The following NCL variants were observed in gnomAD, a reference collection of about 807,000 sequenced individuals.
NCL encodes nucleolin multifunctional protein.
Under a neutral mutation model 77.7 loss-of-function variants are expected in NCL, and 4 were observed. The ratio of observed to expected loss-of-function variants is 0.05; its 90% CI spans 0.03 to 0.12. The LOEUF (loss-of-function observed/expected upper bound fraction) is 0.12. NCL is among the 10% of genes least tolerant of loss of function. The probability of loss-of-function intolerance (pLI) is 1.00; values close to 1 mark genes in which losing one functional copy is unlikely to be tolerated. For synonymous variants in NCL, 344 were observed against 297.8 expected (o/e 1.16, Z -1.60); for missense variants, 763 against 860.9 (o/e 0.89, Z 1.42).
At chr2:231,455,736 A>C (rs2046880638) in intron 12 of NCL, 112 bp from the exon 13 acceptor site, 1 of 1,318,396 alleles carries the variant, frequency 7.6e-7, no homozygotes, top group African/African-American at 1.5e-5. Flanking sequence ...TTTATTTGGG[A>C]AAAGATACCA....
rs1438364651 is a variant in NCL at position 231,456,202 on chromosome 2, G to A, written c.1706-66C>T. Reference sequence around the variant, plus strand: ...GTTCGTAACACTGAATTTGCACAATGCCTAGTATGACTACTAGCCAAGAAT... The same window carrying A: ...GTTCGTAACACTGAATTTGCACAATACCTAGTATGACTACTAGCCAAGAAT... On this transcript the variant is annotated intron_variant, in intron 11 of 13. Transcript: ENST00000322723. The A allele has an allele frequency of 4.4e-6, 7 of 1,590,840 alleles. No individual in the cohort carries two copies. In the African/African-American group the frequency reaches 9.4e-5, roughly 21 times the overall value.
chr2:231,460,766 TTCA>T lies in NCL; in HGVS notation c.711_713del (p.Asp237del). On this transcript the variant is annotated inframe_deletion, in exon 4 of 14. Transcript: ENST00000322723. ...CATCCTCGTCCTCATCATCCTCTTC[TTCA>T]TCTTCATCCTCAGCCACGTTCTTGG... The T allele has an allele frequency of 6.2e-7, 1 of 1,614,032 alleles. No individual in the cohort carries two copies. Among genetic ancestry groups the T allele is most frequent in the Non-Finnish European group, 8.5e-7 (1 of 1,179,900 alleles).
chr2:231,458,785 C>T lies in NCL; in HGVS notation c.1165+216G>A, dbSNP rs2046918185. 30 of 483,894 alleles carry T rather than the reference C, an allele frequency of 6.2e-5. 1 individual carries two copies. The South Asian group carries it at 6.7e-4, about 11-fold the overall frequency. The allele number at this position is 483,894 out of a possible 1,614,324, so 30.0% of individuals were successfully genotyped here. On this transcript the variant is annotated intron_variant, in intron 7 of 13. Coordinates refer to ENST00000322723, the MANE Select transcript of NCL (RefSeq NM_005381.3). The stretch of plus-strand genomic sequence containing the variant: ...CTTGTTCTGTATAAAAGTGCTCTTG[C>T]TTGCCTAACTCAGGAATTTACACTA...
At chr2:231,460,622 T>C in intron 4 of NCL, 47 bp downstream of exon 4, 4 of 1,614,072 alleles carry the variant, frequency 2.5e-6, no homozygotes, top group Non-Finnish European at 3.4e-6. Context: ...CTTAAGTGCC[T>C]CCTTTAAACA....
chr2:231,460,563 C>A lies in NCL; in HGVS notation c.813G>T (p.Glu271Asp). Residue 271 changes from glutamate (E) to aspartate (D), a missense_variant and splice_region_variant, in exon 5 of 14, where the codon GAG becomes GAT. Physicochemically the swap from Glu to Asp is conservative, Grantham distance 45. This residue lies in a region of NCL where 590 missense variants were observed against 570.5 expected (regional missense o/e 1.03). Transcript: ENST00000322723. The stretch of plus-strand genomic sequence containing the variant: ...GTTTTCCAGGTGCTTCTTTGACAGG[C>A]TCTGGACAAGATGTCAAACAATGTA... ...DEEEEEEEEE[E>D]PVKEAPGKRK... The A allele has an allele frequency of 6.2e-7, 1 of 1,614,174 alleles. No homozygotes were observed. Among genetic ancestry groups the A allele is most frequent in the South Asian group, 1.1e-5 (1 of 91,086 alleles).
In NCL at chr2:231,458,324, C is replaced by G. The variant is rs750363708; in HGVS notation, c.1231G>C (p.Glu411Gln). The G allele has an allele frequency of 6.2e-7, 1 of 1,614,152 alleles. No homozygotes were observed. Among genetic ancestry groups the G allele is most frequent in the Non-Finnish European group, 8.5e-7 (1 of 1,180,006 alleles). ...PYKVTQDELK[E>Q]VFEDAAEIRL... ...ATCTCCGCAGCATCTTCAAACACTT[C>G]TTTCAATTCATCCTGAGTGACTTTG... Residue 411 changes from glutamate (E) to glutamine (Q), a missense_variant, in exon 8 of 14, where the codon GAA (glutamate) becomes CAA (glutamine). Physicochemically the swap from Glu to Gln is conservative, Grantham distance 29. Coordinates refer to ENST00000322723, the MANE Select transcript of NCL (RefSeq NM_005381.3).
rs2046872669 is a variant in NCL, at chr2:231,455,199, A to ACTT, written c.2122_2124dup (p.Lys708dup). On this transcript the variant is annotated inframe_insertion, in exon 14 of 14. Transcript: ENST00000322723. ...AAGCAGAGGGACAGAAGCTATTCAA[A>ACTT]CTTCGTCTTCTTTCCTTGTGGCTTG... The ACTT allele has an allele frequency of 3.1e-6, 5 of 1,614,092 alleles. No homozygotes were observed. The East Asian group carries it at 1.1e-4, about 36-fold the overall frequency.
At chr2:231,463,414 A>T (rs2046970678) in intron 1 of NCL, 98 bp from the exon 2 acceptor site, 1 of 813,428 alleles carries the variant, frequency 1.2e-6, no homozygotes, top group Non-Finnish European at 2.1e-6. Flanking sequence ...CTCCGTCCTC[A>T]GATCCATTTC....
At chr2:231,456,482 G>T (rs2046889400) in intron 11 of NCL, 149 bp downstream of exon 11, 1 of 1,337,522 alleles carries the variant, frequency 7.5e-7, no homozygotes, top group East Asian at 2.3e-5. Context: ...ATTTTCTTGA[G>T]ATTTCATCAA....
chr2:231,461,853 T>TGGTGTAACTGTCTTCTTGGCA lies in NCL; in HGVS notation c.279_299dup (p.Lys96_Lys102dup). The TGGTGTAACTGTCTTCTTGGCA allele has an allele frequency of 6.2e-7, 1 of 1,614,152 alleles. No homozygotes were observed. The highest frequency in any genetic ancestry group is 2.2e-5 in the East Asian group (1 of 44,888). ...TGCCAGGTGTGGTAACTGCTTTGGC[T>TGGTGTAACTGTCTTCTTGGCA]GGTGTAACTGTCTTCTTGGCAGGTG... is the stretch of plus-strand genomic sequence containing the variant. On this transcript the variant is annotated inframe_insertion, in exon 3 of 14. Transcript: ENST00000322723.
intron 5 of NCL, 31 bp downstream of exon 5, chr2:231,460,447 C>G: frequency 6.2e-7 from 1 of 1,602,246 alleles, no homozygotes; most frequent in Non-Finnish European, 8.6e-7. Flanking sequence ...TGCTGTTTAT[C>G]TCCCCCATAT....
In NCL at chr2:231,458,654, G is replaced by A. The variant is rs1575260369; in HGVS notation, c.1166-265C>T. The A allele has an allele frequency of 5.2e-5, 25 of 483,942 alleles. No individual in the cohort carries two copies. The East Asian group carries it at 9.2e-4, about 18-fold the overall frequency. The allele number at this position is 483,942 out of a possible 1,614,324, so 30.0% of individuals were successfully genotyped here. On this transcript the variant is annotated intron_variant, in intron 7 of 13. Transcript: ENST00000322723. ...GACGCGCATAACAAAAAAAGTGAATGTACCAATTCAAAACATTACAACTGT... is the reference window on the plus strand; with the variant it reads ...GACGCGCATAACAAAAAAAGTGAATATACCAATTCAAAACATTACAACTGT...
chr2:231,460,497 G>A lies in NCL; in HGVS notation c.879C>T (p.Ala293=), dbSNP rs778357031. 2 of 1,614,048 alleles carry A rather than the reference G, an allele frequency of 1.2e-6. No individual in the cohort carries two copies. Among genetic ancestry groups the A allele is most frequent in the South Asian group, 2.2e-5 (2 of 91,070 alleles). Residue 293 remains alanine (A), a synonymous_variant, in exon 5 of 14, where the codon GCC becomes GCT. Coordinates refer to ENST00000322723, the MANE Select transcript of NCL (RefSeq NM_005381.3). ...EMAKQKAAPE[A]KKQKVEGTEP... is the part of the protein sequence containing the mutation. ...AGTTACCTTCCACTTTCTGTTTCTT[G>A]GCTTCAGGAGCTGCTTTCTGTTTGG...
chr2:231,455,128 G>C lies in NCL; in HGVS notation c.*63C>G. On this transcript the variant is annotated 3_prime_UTR_variant, in exon 14 of 14. Coordinates refer to ENST00000322723, the MANE Select transcript of NCL (RefSeq NM_005381.3). Reference sequence around the variant, plus strand: ...CTCAGAAGGCTCTGTCATTGATCAGGTAACAGTAAAAACCCCAGAGTCCTT... The same window carrying C: ...CTCAGAAGGCTCTGTCATTGATCAGCTAACAGTAAAAACCCCAGAGTCCTT... The C allele has an allele frequency of 1.3e-6, 2 of 1,566,360 alleles. No homozygotes were observed. Among genetic ancestry groups the C allele is most frequent in the Non-Finnish European group, 8.8e-7 (1 of 1,138,246 alleles).
chr2:231,463,842 C>T, intron 1 of NCL: 1 of 169,140 alleles, frequency 5.9e-6, no homozygotes, highest in Non-Finnish European at 1.3e-5. Flanking sequence ...AGCCACCTTC[C>T]GGGGCCCACC....
chr2:231,458,565 C>T, intron 7 of NCL, 176 bp from the exon 8 acceptor site: 1 of 791,816 alleles, frequency 1.3e-6, no homozygotes, highest in Non-Finnish European at 1.9e-6. Context: ...ACAAGTGGTC[C>T]CTCCATGTTG....
At chr2:231,457,363 T>C in intron 9 of NCL, 1 of 765,070 alleles carries the variant, frequency 1.3e-6, no homozygotes, top group Non-Finnish European at 2.3e-6. Context: ...ATCATCTGAG[T>C]TCAAAACGCA....
rs768780719 is a variant in NCL at position 231,460,418 on chromosome 2, CT to C, written c.898+59del. ...AACATCAGGTTTCAGTATTAAGTCC[CT>C]TTGTTATTCATCATTTGTGCTGTTT... On this transcript the variant is annotated intron_variant, in intron 5 of 13. Transcript: ENST00000322723. 7 of 1,589,778 alleles carry C rather than the reference CT, an allele frequency of 4.4e-6. No homozygotes were observed. The South Asian group carries it at 7.7e-5, about 18-fold the overall frequency.
rs538439176 is a variant in NCL at position 231,453,665 on chromosome 2, C to T, written c.*1526G>A. 1 of 154,106 alleles carries T rather than the reference C, an allele frequency of 6.5e-6. No homozygotes were observed. The highest frequency in any genetic ancestry group is 2.0e-4 in the South Asian group (1 of 4,910). 9.5% of individuals were successfully genotyped at this position (154,106 alleles called of 1,614,324 possible). A position where few individuals can be genotyped will look rare whatever the true frequency, so the allele number is the denominator to read the frequency against. On this transcript the variant is annotated 3_prime_UTR_variant, in exon 14 of 14. Coordinates refer to ENST00000322723, the MANE Select transcript of NCL (RefSeq NM_005381.3). ...TCGTAGTTACAACCCTGGCTGGCCA[C>T]CTTCCTCTCTAGAGCATGAGGGTCT...
Sources: allele counts gnomAD v4.1 joint callset, GRCh38; gene constraint gnomAD v4.1.1; regional missense constraint gnomAD v4.1.1; transcripts MANE v1.5; gene names NCBI Gene and HGNC (gene_info 2026-07-23, HGNC 2026-07-21).